The following PTPRJ variants were observed in gnomAD, a reference collection of about 807,000 sequenced individuals.
PTPRJ encodes receptor-type tyrosine-protein phosphatase eta.
A neutral mutation model predicts 141.3 loss-of-function variants in PTPRJ; 129 were observed. The ratio of observed to expected loss-of-function variants is 0.91; its 90% CI spans 0.79 to 1.06. The LOEUF (loss-of-function observed/expected upper bound fraction) is 1.06. Among genes scored for constraint, PTPRJ ranks in the 50% least tolerant of loss-of-function variants. The pLI is 0.00. For missense variants in PTPRJ, 1,601 were observed against 1,679.7 expected (o/e 0.95, Z 0.82); for synonymous variants, 610 against 640.5 (o/e 0.95, Z 0.72).
chr11:48,018,943 AG>A (rs879724249), intron 1 of PTPRJ, among the ~76,000 whole-genome samples: 3 of 151,840 alleles, frequency 2.0e-5, no homozygotes, highest in Admixed American at 6.6e-5. Flanking sequence ...GCTGGTGGGG[AG>A]GGGGGCAGGG....
chr11:48,037,266 G>T (rs1283339345), intron 1 of PTPRJ, among the ~76,000 whole-genome samples: 1 of 152,164 alleles, frequency 6.6e-6, no homozygotes, highest in Non-Finnish European at 1.5e-5. Context: ...ATTGACTCAA[G>T]AGTCTTTTCC....
intron 1 of PTPRJ, among the ~76,000 whole-genome samples, chr11:47,993,729 G>C (rs1854256200): frequency 6.6e-6 from 1 of 152,160 alleles, no homozygotes; most frequent in South Asian, 2.1e-4. Flanking sequence ...CTAGGCTCCG[G>C]CACTGATTTG....
chr11:48,067,929 C>T (rs900747033), intron 1 of PTPRJ, among the ~76,000 whole-genome samples: 4 of 152,154 alleles, frequency 2.6e-5, no homozygotes, highest in Non-Finnish European at 5.9e-5. Flanking sequence ...ACAGAAGGCC[C>T]ATGTCTCAAT....
chr11:48,053,380 AT>A (rs1344606671), intron 1 of PTPRJ, among the ~76,000 whole-genome samples: 24 of 100,452 alleles, frequency 2.4e-4, no homozygotes, highest in Middle Eastern at 4.2e-3. Flanking sequence ...TATATATAAA[AT>A]ATATATAAAA....
chr11:48,034,689 A>G (rs1156384883), intron 1 of PTPRJ, among the ~76,000 whole-genome samples: 1 of 152,174 alleles, frequency 6.6e-6, no homozygotes, highest in Non-Finnish European at 1.5e-5. Context: ...ACAGGCACAG[A>G]CAGTTAAATA....
At chr11:48,162,074 AAACTC>A (rs1857797700) in intron 22 of PTPRJ, among the ~76,000 whole-genome samples, 2 of 152,254 alleles carry the variant, frequency 1.3e-5, no homozygotes, top group African/African-American at 4.8e-5. Context: ...TTTATTAACT[AAACTC>A]CAGACTTTAT....
intron 8 of PTPRJ, 110 bp from the exon 9 acceptor site, chr11:48,135,929 C>T (rs1857090568): frequency 3.9e-6 from 5 of 1,289,196 alleles, no homozygotes; most frequent in Non-Finnish European, 5.4e-6. Context: ...TTTGTGAACT[C>T]ATTAGAAAGC....
chr11:48,139,828 C>A, intron 11 of PTPRJ, 52 bp downstream of exon 11: 1 of 1,581,372 alleles, frequency 6.3e-7, no homozygotes, highest in Non-Finnish European at 8.7e-7. Context: ...ACTCCTGGAG[C>A]GGCTGACCCA....
intron 1 of PTPRJ, among the ~76,000 whole-genome samples, chr11:47,995,163 T>G (rs1205733440): frequency 2.0e-5 from 3 of 152,248 alleles, no homozygotes; most frequent in African/African-American, 7.2e-5. Flanking sequence ...CAGTTGACTT[T>G]GTGATCAGCT....
chr11:48,087,263 G>C (rs551847003), intron 1 of PTPRJ, among the ~76,000 whole-genome samples: 1 of 152,322 alleles, frequency 6.6e-6, no homozygotes, highest in South Asian at 2.1e-4. Context: ...TTGTTAAAAA[G>C]AGATAAAGGA....
intron 11 of PTPRJ, 67 bp from the exon 12 acceptor site, chr11:48,142,852 T>C: frequency 6.6e-7 from 1 of 1,526,152 alleles, no homozygotes; most frequent in Non-Finnish European, 8.8e-7. Flanking sequence ...TGAAGCATGT[T>C]CTCTACCTAA....
At chr11:48,163,418 GCCTT>G (rs1490710650) in intron 22 of PTPRJ, 36 bp from the exon 23 acceptor site, 2 of 1,551,404 alleles carry the variant, frequency 1.3e-6, no homozygotes, top group Admixed American at 3.7e-5. Context: ...TTGTTAGGCA[GCCTT>G]TCTGTCTGGA....
chr11:48,100,012 G>T (rs1475791138), intron 1 of PTPRJ, among the ~76,000 whole-genome samples: 1 of 152,122 alleles, frequency 6.6e-6, no homozygotes. Context: ...TGGGGAAGAG[G>T]GGGCCTGGGT....
chr11:48,166,533 C>T (rs1381227694), intron 24 of PTPRJ, among the ~76,000 whole-genome samples: 1 of 152,010 alleles, frequency 6.6e-6, no homozygotes, highest in Middle Eastern at 3.4e-3. Flanking sequence ...AGGCTGATCT[C>T]GCACTCCTAA....
At chr11:48,080,727 C>T (rs1855534913) in intron 1 of PTPRJ, among the ~76,000 whole-genome samples, 1 of 152,234 alleles carries the variant, frequency 6.6e-6, no homozygotes, top group East Asian at 1.9e-4. Context: ...CCACGCTCCC[C>T]TCCTCTGTAA....
At chr11:48,015,435 C>T (rs182950606) in intron 1 of PTPRJ, among the ~76,000 whole-genome samples, 5 of 152,260 alleles carry the variant, frequency 3.3e-5, no homozygotes, top group East Asian at 1.9e-4. Context: ...CCCAACCTCC[C>T]GCCCTCCATC....
intron 1 of PTPRJ, among the ~76,000 whole-genome samples, chr11:47,988,142 A>G (rs570335562): frequency 1.6e-3 from 240 of 152,198 alleles, no homozygotes; most frequent in Non-Finnish European, 2.3e-3. Flanking sequence ...TGAATGAGTG[A>G]GTGAGTATTA....
rs779808939 is a variant in PTPRJ, at chr11:48,136,150, A to T, written c.1727A>T (p.Glu576Val). 2 of 1,614,078 alleles carry T rather than the reference A, an allele frequency of 1.2e-6. No individual in the cohort carries two copies. The highest frequency in any genetic ancestry group is 2.7e-5 in the African/African-American group (2 of 74,918). ...ASEYVYHLVI[E>V]SKHGSNHTST... ...GAGTATGTCTACCATTTAGTCATAG[A>T]GTCCAAGCATGGCTCTAACCACACA... is the stretch of plus-strand genomic sequence containing the variant. The change falls in exon 9 of 25, where the codon GAG becomes GTG. Residue 576 changes from glutamate to valine, a missense_variant. Coordinates refer to ENST00000418331, the MANE Select transcript of PTPRJ (RefSeq NM_002843.4).
chr11:48,149,751 A>G, intron 16 of PTPRJ: 1 of 550,048 alleles, frequency 1.8e-6, no homozygotes, highest in South Asian at 2.6e-5. Flanking sequence ...TAGGTTATCA[A>G]GATCCAGGGG....
Sources: allele counts gnomAD v4.1 joint callset (sites outside exome capture counted in the v4.1 genomes callset), GRCh38; gene constraint gnomAD v4.1.1; transcripts MANE v1.5; gene names NCBI Gene and HGNC (gene_info 2026-07-23, HGNC 2026-07-21).